GULP1: variants seen among roughly 807,000 people sequenced by gnomAD.
GULP1 encodes the protein PTB domain-containing engulfment adapter protein 1.
In GULP1, 19 loss-of-function variants were observed where a neutral mutation model predicts 40.9. The ratio of observed to expected loss-of-function variants is 0.46; its 90% CI spans 0.32 to 0.68. The LOEUF (loss-of-function observed/expected upper bound fraction) is 0.68, where lower values mean the gene tolerates loss of function less well. Ranked by LOEUF, GULP1 falls within the 30% of genes least tolerant of loss-of-function variation. The pLI is 0.03. For synonymous variants in GULP1, 119 were observed against 117.6 expected (o/e 1.01, Z -0.08); for missense variants, 312 against 362.2 (o/e 0.86, Z 1.12).
intron 1 of GULP1, among the ~76,000 whole-genome samples, chr2:188,366,252 A>G (rs990714924): frequency 2.0e-5 from 3 of 152,078 alleles, no homozygotes; most frequent in Non-Finnish European, 2.9e-5. Context: ...CAAAGCCCCC[A>G]AACACCCCAT....
chr2:188,398,282 A>G (rs965634256), intron 2 of GULP1, among the ~76,000 whole-genome samples: 1 of 152,200 alleles, frequency 6.6e-6, no homozygotes. Context: ...GAGAGAATAA[A>G]TTTCTGTTCT....
chr2:188,425,980 C>G lies in GULP1; in HGVS notation c.-45+42091C>G, dbSNP rs189004036. Among the ~76,000 whole-genome samples, 3 of 151,912 alleles carry G rather than the reference C, an allele frequency of 2.0e-5. No homozygotes were observed. In the East Asian group the frequency reaches 5.8e-4, roughly 29 times the overall value. On this transcript the variant is annotated intron_variant, in intron 2 of 11. Transcript: ENST00000409830. ...TTATTCTGAGCCAAATATGAGTGACCCTGGATTGTTACACAGTCTCAGGAA... is the reference window on the plus strand; with the variant it reads ...TTATTCTGAGCCAAATATGAGTGACGCTGGATTGTTACACAGTCTCAGGAA...
intron 2 of GULP1, among the ~76,000 whole-genome samples, chr2:188,425,496 A>T (rs1216097012): frequency 1.3e-5 from 2 of 152,102 alleles, no homozygotes; most frequent in African/African-American, 4.8e-5. Flanking sequence ...GTCTTTCAAT[A>T]GTCAGAGTTC....
chr2:188,562,356 A>AC (rs2153414460), intron 7 of GULP1, among the ~76,000 whole-genome samples: 1 of 152,254 alleles, frequency 6.6e-6, no homozygotes, highest in African/African-American at 2.4e-5. Flanking sequence ...ATGTATGGAA[A>AC]GTCACTCCTG....
intron 1 of GULP1, among the ~76,000 whole-genome samples, chr2:188,363,447 T>G (rs1484518337): frequency 6.6e-6 from 1 of 152,120 alleles, no homozygotes; most frequent in Admixed American, 6.6e-5. Flanking sequence ...GTAAAATTTA[T>G]CTTGAAAATT....
At chr2:188,340,270 C>T (rs2042786218) in intron 1 of GULP1, among the ~76,000 whole-genome samples, 1 of 152,106 alleles carries the variant, frequency 6.6e-6, no homozygotes, top group Non-Finnish European at 1.5e-5. Flanking sequence ...GGTAATTTAT[C>T]AATAAAACAG....
chr2:188,307,976 C>T (rs990659479), intron 1 of GULP1, among the ~76,000 whole-genome samples: 2 of 114,474 alleles, frequency 1.7e-5, no homozygotes, highest in African/African-American at 6.4e-5. Context: ...ATCACTACGC[C>T]AGCAATTTTT....
intron 9 of GULP1, among the ~76,000 whole-genome samples, chr2:188,577,180 T>G (rs186358463): frequency 3.9e-4 from 60 of 152,220 alleles, no homozygotes; most frequent in African/African-American, 1.4e-3. Flanking sequence ...GTAAAACAAA[T>G]GTCTTCCTTT....
intron 7 of GULP1, among the ~76,000 whole-genome samples, chr2:188,559,665 G>A (rs902605710): frequency 1.3e-4 from 20 of 152,144 alleles, no homozygotes; most frequent in African/African-American, 4.3e-4. Context: ...GGCTTTGGGG[G>A]ACTGTTGGAA....
intron 6 of GULP1, among the ~76,000 whole-genome samples, chr2:188,534,035 T>C (rs1273693910): frequency 1.3e-5 from 2 of 152,220 alleles, no homozygotes; most frequent in East Asian, 1.9e-4. Flanking sequence ...TTGGTGGGAA[T>C]GTAAATTCGT....
chr2:188,385,383 C>T (rs909381584), intron 2 of GULP1, among the ~76,000 whole-genome samples: 1 of 152,108 alleles, frequency 6.6e-6, no homozygotes, highest in African/African-American at 2.4e-5. Flanking sequence ...CCCATCAAGT[C>T]CCTAGACTTC....
chr2:188,536,730 G>A (rs935151195), intron 6 of GULP1, among the ~76,000 whole-genome samples: 4 of 152,044 alleles, frequency 2.6e-5, no homozygotes, highest in African/African-American at 9.7e-5. Context: ...AAATGGCATT[G>A]GCCATTTGAT....
intron 11 of GULP1, chr2:188,592,481 G>A (rs1411216160): frequency 1.3e-5 from 2 of 151,960 alleles, no homozygotes; most frequent in Admixed American, 1.3e-4. Context: ...AATGTATTTT[G>A]TGATAAGAAT....
intron 2 of GULP1, among the ~76,000 whole-genome samples, chr2:188,448,083 A>C (rs532363292): frequency 6.6e-6 from 1 of 152,338 alleles, no homozygotes; most frequent in East Asian, 1.9e-4. Flanking sequence ...TGGTAAAATC[A>C]GAGATATAGT....
intron 6 of GULP1, among the ~76,000 whole-genome samples, chr2:188,538,103 CT>C: frequency 6.6e-6 from 1 of 151,958 alleles, no homozygotes; most frequent in Non-Finnish European, 1.5e-5. Context: ...AGCTAGTGGT[CT>C]AGTGATCTTG....
intron 1 of GULP1, among the ~76,000 whole-genome samples, chr2:188,308,561 T>C (rs1348216428): frequency 6.6e-6 from 1 of 152,170 alleles, no homozygotes; most frequent in African/African-American, 2.4e-5. Context: ...TCTTATGTAC[T>C]GAACTTCTCC....
intron 1 of GULP1, among the ~76,000 whole-genome samples, chr2:188,307,974 G>A (rs77350736): frequency 2.2e-3 from 254 of 115,210 alleles, no homozygotes; most frequent in African/African-American, 7.8e-3. Flanking sequence ...GAATCACTAC[G>A]CCAGCAATTT....
intron 2 of GULP1, among the ~76,000 whole-genome samples, chr2:188,476,442 G>A (rs1163239735): frequency 6.6e-6 from 1 of 152,160 alleles, no homozygotes; most frequent in African/African-American, 2.4e-5. Context: ...ATCTGAAGAT[G>A]GAACACACCA....
intron 4 of GULP1, among the ~76,000 whole-genome samples, chr2:188,518,051 G>A (rs1338648628): frequency 6.6e-6 from 1 of 151,996 alleles, no homozygotes; most frequent in Non-Finnish European, 1.5e-5. Context: ...AAAAATCAAA[G>A]TTTGTATACT....
Sources: gnomAD v4.1 joint callset for allele counts (sites outside exome capture counted in the v4.1 genomes callset) on GRCh38, gnomAD v4.1.1 for gene constraint, MANE v1.5 for transcripts, NCBI Gene and HGNC (gene_info 2026-07-23, HGNC 2026-07-21) for gene names.